UBAP1: variants seen among roughly 807,000 people sequenced by gnomAD.
UBAP1 encodes the protein ubiquitin associated protein 1.
In UBAP1, 5 loss-of-function variants were observed where a neutral mutation model predicts 39.0. The ratio of observed to expected loss-of-function variants is 0.13; its 90% CI spans 0.07 to 0.27. The LOEUF (loss-of-function observed/expected upper bound fraction) is 0.27. UBAP1 is among the 10% of genes least tolerant of loss of function. UBAP1 has a pLI of 1.00. For synonymous variants in UBAP1, 211 were observed against 225.1 expected (o/e 0.94, Z 0.56); for missense variants, 490 against 608.1 (o/e 0.81, Z 2.04).
At chr9:34,221,566 C>T (rs999076058) in intron 2 of UBAP1, among the ~76,000 whole-genome samples, 6 of 150,972 alleles carry the variant, frequency 4.0e-5, no homozygotes, top group African/African-American at 1.5e-4. Flanking sequence ...CTTTCCCTTT[C>T]CTGTTCCTTG....
chr9:34,226,013 T>C (rs2131590464), intron 2 of UBAP1, among the ~76,000 whole-genome samples: 1 of 152,064 alleles, frequency 6.6e-6, no homozygotes, highest in African/African-American at 2.4e-5. Context: ...GTATACATCT[T>C]GATGAGTTTG....
chr9:34,216,634 C>T (rs573649296), intron 1 of UBAP1, among the ~76,000 whole-genome samples: 1 of 147,970 alleles, frequency 6.8e-6, no homozygotes, highest in East Asian at 2.0e-4. Flanking sequence ...CACCACCACA[C>T]CATGCTAATT....
At chr9:34,231,437 G>T (rs1833410532) in intron 2 of UBAP1, among the ~76,000 whole-genome samples, 1 of 151,652 alleles carries the variant, frequency 6.6e-6, no homozygotes, top group Non-Finnish European at 1.5e-5. Context: ...GGCTGGTCTC[G>T]AACTCATGAC....
intron 1 of UBAP1, among the ~76,000 whole-genome samples, chr9:34,214,617 C>T (rs1040408445): frequency 3.9e-5 from 6 of 151,978 alleles, no homozygotes; most frequent in Non-Finnish European, 7.4e-5. Flanking sequence ...AAAGCAAATG[C>T]AATAAAAACA....
At chr9:34,219,741 T>TTCTCC (rs1563905872) in intron 1 of UBAP1, among the ~76,000 whole-genome samples, 1 of 26,032 alleles carries the variant, frequency 3.8e-5, no homozygotes. Context: ...CCCCTCCCCC[T>TTCTCC]TCCCCTCCCC....
At chr9:34,193,033 G>C (rs974538725) in intron 1 of UBAP1, among the ~76,000 whole-genome samples, 1 of 152,112 alleles carries the variant, frequency 6.6e-6, no homozygotes. Flanking sequence ...AGGGCCAGGC[G>C]CAGTGGCCCA....
chr9:34,229,326 T>G (rs10814081), intron 2 of UBAP1, among the ~76,000 whole-genome samples: 21,165 of 151,654 alleles, frequency 0.14, 1,877 homozygotes, highest in East Asian at 0.3. Flanking sequence ...GACGTGATCT[T>G]GGCTCACTGC....
At chr9:34,229,780 G>A (rs1373702097) in intron 2 of UBAP1, among the ~76,000 whole-genome samples, 1 of 151,422 alleles carries the variant, frequency 6.6e-6, no homozygotes, top group Non-Finnish European at 1.5e-5. Context: ...CTCATGATCT[G>A]CTTGCCTCGG....
At chr9:34,247,988 A>T (rs1356681974) in intron 4 of UBAP1, among the ~76,000 whole-genome samples, 1 of 152,026 alleles carries the variant, frequency 6.6e-6, no homozygotes, top group Non-Finnish European at 1.5e-5. Flanking sequence ...ACCAAATAAC[A>T]TTTCCACCAG....
At chr9:34,206,703 A>C (rs1831716699) in intron 1 of UBAP1, among the ~76,000 whole-genome samples, 1 of 152,188 alleles carries the variant, frequency 6.6e-6, no homozygotes, top group Non-Finnish European at 1.5e-5. Flanking sequence ...TGTAGAGTGA[A>C]AATAGTATTT....
At chr9:34,244,250 A>T (rs1441438177) in intron 4 of UBAP1, among the ~76,000 whole-genome samples, 1 of 151,836 alleles carries the variant, frequency 6.6e-6, no homozygotes, top group South Asian at 2.1e-4. Context: ...CATGGGTTCA[A>T]TTGCTTTGAT....
intron 1 of UBAP1, among the ~76,000 whole-genome samples, chr9:34,209,809 C>G (rs182414906): frequency 6.6e-6 from 1 of 151,874 alleles, no homozygotes; most frequent in African/African-American, 2.4e-5. Context: ...TTTTTTCCCC[C>G]AATTACAAAG....
chr9:34,240,028 A>G (rs1251740585), intron 3 of UBAP1, among the ~76,000 whole-genome samples: 1 of 152,220 alleles, frequency 6.6e-6, no homozygotes, highest in East Asian at 1.9e-4. Context: ...ATAAAACTTC[A>G]AAGAACAATG....
intron 1 of UBAP1, among the ~76,000 whole-genome samples, chr9:34,214,350 A>G (rs1008049491): frequency 2.0e-5 from 3 of 152,178 alleles, no homozygotes; most frequent in African/African-American, 2.4e-5. Context: ...AGAATAGAGA[A>G]CCCAGAAATA....
intron 1 of UBAP1, among the ~76,000 whole-genome samples, chr9:34,211,774 CCTT>C (rs575308646): frequency 9.3e-4 from 142 of 152,260 alleles, no homozygotes; most frequent in Admixed American, 5.6e-3. Flanking sequence ...TCTGGCTCCT[CCTT>C]CTCTCCCTGC....
chr9:34,242,139 A>G (rs202020127), intron 4 of UBAP1, 31 bp downstream of exon 4: 8 of 1,539,238 alleles, frequency 5.2e-6, no homozygotes, highest in Non-Finnish European at 6.1e-6. Flanking sequence ...GCCGACTCCC[A>G]TATTTTCCTG....
intron 2 of UBAP1, among the ~76,000 whole-genome samples, chr9:34,221,325 C>T (rs1036187440): frequency 5.9e-5 from 9 of 151,838 alleles, no homozygotes; most frequent in Admixed American, 3.9e-4. Context: ...GTCAGGAGAT[C>T]GAGACCATCC....
At chr9:34,183,310 G>A (rs1422068395) in intron 1 of UBAP1, among the ~76,000 whole-genome samples, 2 of 151,554 alleles carry the variant, frequency 1.3e-5, no homozygotes, top group African/African-American at 2.4e-5. Flanking sequence ...TTGGGGGGCC[G>A]AGGCGGGCGG....
upstream of UBAP1, chr9:34,179,040 G>A: frequency 7.9e-7 from 1 of 1,264,270 alleles, no homozygotes; most frequent in Non-Finnish European, 1.0e-6. Flanking sequence ...AGGGGAAGGA[G>A]GAGGGAAGTA....
Sources: gnomAD v4.1 joint callset for allele counts (sites outside exome capture counted in the v4.1 genomes callset) on GRCh38, gnomAD v4.1.1 for gene constraint, MANE v1.5 for transcripts, NCBI Gene and HGNC (gene_info 2026-07-23, HGNC 2026-07-21) for gene names.